Variants in ZNF611 observed in about 807,000 individuals in gnomAD.
ZNF611 encodes zinc finger protein 611.
ZNF611 carries 6 observed loss-of-function variants against 8.9 expected under a neutral mutation model. The ratio of observed to expected loss-of-function variants is 0.68; its 90% CI spans 0.37 to 1.34. The LOEUF (loss-of-function observed/expected upper bound fraction) is 1.34, where lower values mean the gene tolerates loss of function less well. ZNF611 is among the 40% of genes most tolerant of loss of function. The pLI is 0.02. For synonymous variants in ZNF611, 262 were observed against 279.7 expected, an observed-to-expected ratio of 0.94 and a Z score of 0.63; for missense variants, 874 against 841.3, an observed-to-expected ratio of 1.04 and a Z score of -0.48.
chr19:52,711,559 A>G lies in ZNF611; in HGVS notation c.190+2456T>C, dbSNP rs1292781792. Among the ~76,000 whole-genome samples the G allele has an allele frequency of 3.3e-5, 5 of 152,302 alleles. No individual in the cohort carries two copies. In the East Asian group the frequency reaches 9.6e-4, roughly 29 times the overall value. ...CAGGACAGGAAATGACCAGACACAG[A>G]AAATATGAGGAGAACAGAAAGAAGT... On this transcript the variant is annotated intron_variant, in intron 5 of 5. Transcript: ENST00000652185.
chr19:52,720,637 G>T (rs1434526182), intron 3 of ZNF611, among the ~76,000 whole-genome samples: 1 of 148,650 alleles, frequency 6.7e-6, no homozygotes, highest in Non-Finnish European at 1.5e-5. Flanking sequence ...CGGGGCAGCC[G>T]GGCAGAGGTG....
intron 3 of ZNF611, among the ~76,000 whole-genome samples, chr19:52,718,910 C>T (rs2062335930): frequency 6.6e-6 from 1 of 152,014 alleles, no homozygotes; most frequent in Non-Finnish European, 1.5e-5. Context: ...TGGTGGCTCA[C>T]ACCTGTAATC....
Position 52,704,321 on chromosome 19 carries a change from G to A in ZNF611, c.*616C>T. ...TGATGTTCTGCATGGAGTGATCTTG[G>A]ACTGAAGACCTTGCCACACTGATGA... On this transcript the variant is annotated 3_prime_UTR_variant, in exon 6 of 6. Coordinates refer to ENST00000652185, the MANE Select transcript of ZNF611 (RefSeq NM_001161499.2). The A allele has an allele frequency of 3.4e-6, 2 of 589,142 alleles. No individual in the cohort carries two copies. Among genetic ancestry groups the A allele is most frequent in the Admixed American group, 2.0e-5 (1 of 51,128 alleles). 36.5% of individuals were successfully genotyped at this position (589,142 alleles called of 1,614,324 possible).
chr19:52,715,059 T>C (rs1487129279), intron 4 of ZNF611, among the ~76,000 whole-genome samples: 2 of 152,132 alleles, frequency 1.3e-5, no homozygotes, highest in African/African-American at 4.8e-5. Flanking sequence ...TCTATAGACA[T>C]GCCAGATATT....
intron 1 of ZNF611, among the ~76,000 whole-genome samples, chr19:52,732,183 T>C (rs1006745321): frequency 6.6e-6 from 1 of 151,948 alleles, no homozygotes; most frequent in Non-Finnish European, 1.5e-5. Flanking sequence ...GGCAGGAGAA[T>C]GGCGTGAACC....
At chr19:52,729,539 C>T (rs1222580383) in intron 2 of ZNF611, among the ~76,000 whole-genome samples, 1 of 88,444 alleles carries the variant, frequency 1.1e-5, no homozygotes, top group Admixed American at 1.1e-4. Flanking sequence ...AAAAAGAAAA[C>T]AATGTTAATA....
intron 3 of ZNF611, chr19:52,721,242 G>A: frequency 6.2e-6 from 1 of 160,576 alleles, no homozygotes. Context: ...GACAATGGGT[G>A]GCCAGGCAGA....
rs1301004127 is a variant in ZNF611 at position 52,705,567 on chromosome 19, A to C, written c.1488T>G (p.Asp496Glu). 3 of 1,613,652 alleles carry C rather than the reference A, an allele frequency of 1.9e-6. No homozygotes were observed. The highest frequency in any genetic ancestry group is 2.5e-6 in the Non-Finnish European group (3 of 1,179,956). The change falls in exon 6 of 6, where the codon GAT (aspartate) becomes GAG (glutamate). Residue 496 changes from aspartate to glutamate, a missense_variant. Transcript: ENST00000652185. ...TATGAATTGACTTATGAATTAAAAG[A>C]TCTGAATTTTGACCAAAGGTCTTCC... ...ECGKTFGQNSDLLIHKSIHTG... is the reference protein window; with the variant it reads ...ECGKTFGQNSELLIHKSIHTG...
intron 1 of ZNF611, 61 bp downstream of exon 1, chr19:52,734,939 AG>A (rs2062448212): frequency 6.6e-6 from 1 of 152,392 alleles, no homozygotes; most frequent in African/African-American, 2.4e-5. Flanking sequence ...CCCACGTCCC[AG>A]GGACAGAAGC....
chr19:52,723,195 T>C (rs2062371005), intron 3 of ZNF611, among the ~76,000 whole-genome samples: 1 of 151,548 alleles, frequency 6.6e-6, no homozygotes, highest in Non-Finnish European at 1.5e-5. Flanking sequence ...TTTATCCCCT[T>C]CTTCCCTCTA....
chr19:52,723,903 A>T (rs1469043180), intron 3 of ZNF611: 1 of 152,210 alleles, frequency 6.6e-6, no homozygotes, highest in African/African-American at 2.4e-5. Flanking sequence ...TTTATGTTTG[A>T]CTTTACACAA....
chr19:52,716,078 A>G, intron 3 of ZNF611, 165 bp from the exon 4 acceptor site: 1 of 752,106 alleles, frequency 1.3e-6, no homozygotes, highest in Non-Finnish European at 2.1e-6. Context: ...AAGACCTATG[A>G]GTGTATATTT....
In ZNF611 at chr19:52,704,582, A is replaced by T; in HGVS notation, c.*355T>A. 6.5e-7 allele frequency: 1 copy of T among 1,547,444 alleles called. No individual in the cohort carries two copies. Among genetic ancestry groups the T allele is most frequent in the Non-Finnish European group, 8.9e-7 (1 of 1,124,208 alleles). On this transcript the variant is annotated 3_prime_UTR_variant, in exon 6 of 6. Coordinates refer to ENST00000652185, the MANE Select transcript of ZNF611 (RefSeq NM_001161499.2). ...GCAATATGTGAACGATCTCTGAAAA[A>T]TTTGCCACATTTATTACACTTGTAA...
chr19:52,734,536 C>CGGG (rs3029477), intron 1 of ZNF611, among the ~76,000 whole-genome samples: 13 of 129,354 alleles, frequency 1.0e-4, no homozygotes, highest in South Asian at 2.6e-4. Flanking sequence ...AGGTGCGGGG[C>CGGG]GGGGGGGGGG....
chr19:52,705,930 A>C lies in ZNF611; in HGVS notation c.1125T>G (p.Cys375Trp). Reference sequence around the variant, plus strand: ...TTGATTTCCGACTGAAAACTTTGTCACATTCTTCACATTTGTAAGGTTTCT... The same window carrying C: ...TTGATTTCCGACTGAAAACTTTGTCCCATTCTTCACATTTGTAAGGTTTCT... ...TGEKPYKCEE[C>W]DKVFSRKSTI... Residue 375 changes from cysteine to tryptophan, a missense_variant, in exon 6 of 6, where the codon TGT becomes TGG. Cys to Trp is a radical substitution (Grantham distance 215). Coordinates refer to ENST00000652185, the MANE Select transcript of ZNF611 (RefSeq NM_001161499.2). 3 of 1,614,134 alleles carry C rather than the reference A, an allele frequency of 1.9e-6. No homozygotes were observed. Among genetic ancestry groups the C allele is most frequent in the Non-Finnish European group, 2.5e-6 (3 of 1,180,016 alleles).
At chr19:52,706,891 T>G (rs761522961) in intron 5 of ZNF611, 27 bp from the exon 6 acceptor site, 2 of 1,592,516 alleles carry the variant, frequency 1.3e-6, no homozygotes, top group East Asian at 4.5e-5. Flanking sequence ...CCAATACATT[T>G]CCAATTAAGT....
At chr19:52,716,757 T>C (rs1436523090) in intron 3 of ZNF611, among the ~76,000 whole-genome samples, 1 of 152,004 alleles carries the variant, frequency 6.6e-6, no homozygotes, top group African/African-American at 2.4e-5. Flanking sequence ...AAAAGACTAA[T>C]TAGAAACTCA....
At chr19:52,722,247 T>C (rs1399215550) in intron 3 of ZNF611, among the ~76,000 whole-genome samples, 2 of 152,014 alleles carry the variant, frequency 1.3e-5, no homozygotes, top group Non-Finnish European at 2.9e-5. Flanking sequence ...CCGGGCTTGG[T>C]GTCTCACACC....
rs1464863730 is a variant in ZNF611 at position 52,704,849 on chromosome 19, C to T, written c.*88G>A. On this transcript the variant is annotated 3_prime_UTR_variant, in exon 6 of 6. Coordinates refer to ENST00000652185, the MANE Select transcript of ZNF611 (RefSeq NM_001161499.2). ...CTCCCAAGTCTTGTCAGAAACCTTA[C>T]ATTTGTAAGCTTTCTCTCCAGTATA... 8.1e-6 allele frequency: 13 copies of T among 1,607,382 alleles called. No homozygotes were observed. The highest frequency in any genetic ancestry group is 2.2e-5 in the East Asian group (1 of 44,810).
Sources: allele counts gnomAD v4.1 joint callset (sites outside exome capture counted in the v4.1 genomes callset), GRCh38; gene constraint gnomAD v4.1.1; transcripts MANE v1.5; gene names NCBI Gene and HGNC (gene_info 2026-07-23, HGNC 2026-07-21).